Variants in TTC7B observed in about 807,000 individuals in gnomAD.
The protein encoded by TTC7B is tetratricopeptide repeat domain 7B.
In TTC7B, 28 loss-of-function variants were observed where a neutral mutation model predicts 106.8. The observed-to-expected ratio is 0.26, with a 90% confidence interval of 0.19 to 0.36. The LOEUF (loss-of-function observed/expected upper bound fraction) is 0.36, where lower values mean the gene tolerates loss of function less well. Ranked by LOEUF, TTC7B falls within the 10% of genes least tolerant of loss-of-function variation. The pLI is 1.00. For synonymous variants in TTC7B, 405 were observed against 430.6 expected (o/e 0.94, Z 0.74); for missense variants, 862 against 1,076.4 (o/e 0.80, Z 2.79).
chr14:90,558,474 G>T (rs1890419660), intron 19 of TTC7B, among the ~76,000 whole-genome samples: 1 of 152,268 alleles, frequency 6.6e-6, no homozygotes, highest in African/African-American at 2.4e-5. Flanking sequence ...AGGCCGGATA[G>T]TTCACTACCT....
chr14:90,554,918 CT>C (rs1890238715), intron 19 of TTC7B, among the ~76,000 whole-genome samples: 2 of 152,138 alleles, frequency 1.3e-5, no homozygotes, highest in African/African-American at 2.4e-5. Context: ...TGGATCGACT[CT>C]TAGTGATCAC....
chr14:90,714,696 A>G (rs2139971272), intron 5 of TTC7B, among the ~76,000 whole-genome samples: 1 of 152,156 alleles, frequency 6.6e-6, no homozygotes, highest in Middle Eastern at 3.4e-3. Context: ...ACATCAGGTG[A>G]TCCACCCACC....
intron 19 of TTC7B, among the ~76,000 whole-genome samples, chr14:90,548,590 T>G (rs1350575647): frequency 2.0e-5 from 3 of 152,348 alleles, no homozygotes; most frequent in Middle Eastern, 3.4e-3. Flanking sequence ...GTTCCCCCAC[T>G]AGGCTTTGCT....
intron 15 of TTC7B, among the ~76,000 whole-genome samples, chr14:90,631,001 A>AT (rs1370849960): frequency 6.6e-6 from 1 of 151,816 alleles, no homozygotes; most frequent in Non-Finnish European, 1.5e-5. Flanking sequence ...CGCCCAGCTA[A>AT]TTTTTTGTAT....
chr14:90,630,764 T>G (rs1218660629), intron 15 of TTC7B, among the ~76,000 whole-genome samples: 1 of 152,184 alleles, frequency 6.6e-6, no homozygotes, highest in East Asian at 1.9e-4. Context: ...ACTGGCTTAT[T>G]GCACTTAGCA....
chr14:90,730,550 G>T (rs1889286338), intron 4 of TTC7B, among the ~76,000 whole-genome samples: 1 of 152,226 alleles, frequency 6.6e-6, no homozygotes, highest in Non-Finnish European at 1.5e-5. Flanking sequence ...TCCTAGCAAA[G>T]GGCGGAAATA....
chr14:90,643,995 A>C, intron 15 of TTC7B, 53 bp downstream of exon 15: 2 of 1,606,212 alleles, frequency 1.2e-6, no homozygotes, highest in Non-Finnish European at 1.7e-6. Flanking sequence ...CAGGGGAAGA[A>C]GTAAATTTAA....
chr14:90,550,399 C>T (rs1465629520), intron 19 of TTC7B, among the ~76,000 whole-genome samples: 1 of 152,176 alleles, frequency 6.6e-6, no homozygotes. Context: ...CACACATGCA[C>T]ACATCCCCCT....
At chr14:90,766,029 A>G (rs996955867) in intron 3 of TTC7B, among the ~76,000 whole-genome samples, 2 of 152,104 alleles carry the variant, frequency 1.3e-5, no homozygotes, top group African/African-American at 4.8e-5. Flanking sequence ...GGAAAATTAG[A>G]TGGTTGACCA....
At chr14:90,654,721 A>G (rs1241662323) in intron 12 of TTC7B, among the ~76,000 whole-genome samples, 1 of 152,174 alleles carries the variant, frequency 6.6e-6, no homozygotes, top group Non-Finnish European at 1.5e-5. Flanking sequence ...CATCCCTCAA[A>G]GCGCAGTGAG....
At chr14:90,694,689 T>G (rs144837297) in intron 6 of TTC7B, among the ~76,000 whole-genome samples, 2,434 of 139,806 alleles carry the variant, frequency 0.017, 77 homozygotes, top group African/African-American at 0.059. Context: ...TTTTATTTTA[T>G]TATAAAATAT....
chr14:90,666,322 T>C (rs1238920046), intron 9 of TTC7B, among the ~76,000 whole-genome samples: 2 of 152,120 alleles, frequency 1.3e-5, no homozygotes, highest in African/African-American at 4.8e-5. Flanking sequence ...CCACCACGCC[T>C]GGCTAATTTT....
chr14:90,558,768 G>A (rs1890440666), intron 19 of TTC7B, among the ~76,000 whole-genome samples: 1 of 152,200 alleles, frequency 6.6e-6, no homozygotes, highest in Admixed American at 6.5e-5. Flanking sequence ...ACAAACACTG[G>A]TTAGCAAGGA....
chr14:90,546,053 C>T (rs1889817935), intron 19 of TTC7B, among the ~76,000 whole-genome samples: 1 of 152,210 alleles, frequency 6.6e-6, no homozygotes, highest in Admixed American at 6.5e-5. Context: ...TCAGGCTTGG[C>T]ACAGGAATGA....
chr14:90,645,411 T>G (rs1447296423), intron 14 of TTC7B, among the ~76,000 whole-genome samples: 1 of 152,036 alleles, frequency 6.6e-6, no homozygotes, highest in Non-Finnish European at 1.5e-5. Flanking sequence ...GGAGGTGAAA[T>G]GGCTTGGGAA....
rs1892381203 is a variant in TTC7B, at chr14:90,600,503, C to T, written c.1967-6877G>A. On this transcript the variant is annotated intron_variant, in intron 17 of 19. Coordinates refer to ENST00000328459, the MANE Select transcript of TTC7B (RefSeq NM_001010854.2). The surrounding 1 kb of genome is among the most constrained non-coding windows in gnomAD (Gnocchi z 4.3). ...TCTAGTAGACACTTCCATTTTTCAC[C>T]AAGTGAAAAAAGGATTAAGACTCAT... is the stretch of plus-strand genomic sequence containing the variant. 6.6e-6 allele frequency among the ~76,000 whole-genome samples: 1 copy of T among 152,126 alleles called. No homozygotes were observed. Among genetic ancestry groups the T allele is most frequent in the African/African-American group, 2.4e-5 (1 of 41,442 alleles).
In TTC7B at chr14:90,701,802, A is replaced by G. The variant is rs866214816; in HGVS notation, c.699-6224T>C. ...TGTATATGTGTGTGTGTGTGTATAT[A>G]TATATATATATATATATATGGAAAG... On this transcript the variant is annotated intron_variant, in intron 5 of 19. Coordinates refer to ENST00000328459, the MANE Select transcript of TTC7B (RefSeq NM_001010854.2). Among the ~76,000 whole-genome samples, 281 of 141,764 alleles carry G rather than the reference A, an allele frequency of 2.0e-3. 2 individuals carry two copies. Among genetic ancestry groups the G allele is most frequent in the African/African-American group, 7.7e-3 (262 of 34,110 alleles). The allele number at this position is 141,764 out of a possible 152,430, so 93.0% of individuals were successfully genotyped here.
At chr14:90,635,699 T>C (rs952674385) in intron 15 of TTC7B, among the ~76,000 whole-genome samples, 6 of 143,480 alleles carry the variant, frequency 4.2e-5, no homozygotes, top group Non-Finnish European at 7.7e-5. Flanking sequence ...GGCAGAGCTT[T>C]CAGTGAGCCG....
intron 19 of TTC7B, among the ~76,000 whole-genome samples, chr14:90,555,788 A>T (rs1054518824): frequency 3.3e-5 from 5 of 152,232 alleles, no homozygotes; most frequent in Admixed American, 2.0e-4. Context: ...AGACCAAGGG[A>T]GGCATCTGCC....
Sources: allele counts gnomAD v4.1 joint callset (sites outside exome capture counted in the v4.1 genomes callset), GRCh38; gene constraint gnomAD v4.1.1; non-coding constraint Gnocchi (gnomAD v3.1); transcripts MANE v1.5; gene names NCBI Gene and HGNC (gene_info 2026-07-23, HGNC 2026-07-21).